RASGRF1: variants seen among roughly 807,000 people sequenced by gnomAD.
RASGRF1 encodes the protein Ras protein specific guanine nucleotide releasing factor 1, also known as ras-specific guanine nucleotide-releasing factor 1.
A neutral mutation model predicts 138.7 loss-of-function variants in RASGRF1; 40 were observed. The observed-to-expected ratio is 0.29, with a 90% CI of 0.22 to 0.38. The LOEUF (loss-of-function observed/expected upper bound fraction) is 0.38. RASGRF1 is among the 10% of genes least tolerant of loss of function. The pLI, the probability that RASGRF1 is intolerant of heterozygous loss-of-function variation, is 1.00. For missense variants in RASGRF1, 1,108 were observed against 1,650.4 expected, an observed-to-expected ratio of 0.67 and a Z score of 5.69; for synonymous variants, 614 against 663.2, an observed-to-expected ratio of 0.93 and a Z score of 1.14.
rs370926073 is a variant in RASGRF1, at chr15:79,032,320, G to T, written c.959-4C>A. 12 of 1,613,622 alleles carry T rather than the reference G, an allele frequency of 7.4e-6. No homozygotes were observed. The highest frequency in any genetic ancestry group is 2.7e-5 in the African/African-American group (2 of 74,892). On this transcript the variant is annotated splice_region_variant and splice_polypyrimidine_tract_variant and intron_variant, in intron 6 of 26. Transcript: ENST00000558480. This position sits in a 1 kb window ranked among gnomAD's most constrained non-coding sequence, Gnocchi z 4.5. ...AGCAGGATGTCAAATAGGTCAGCTG[G>T]AAGGACGAGGCAGTCAGCGGGTGGC...
At chr15:78,995,905 T>TGGCAATGGGGATGACGAGGA in intron 19 of RASGRF1, 105 bp from the exon 20 acceptor site, 1 of 1,071,286 alleles carries the variant, frequency 9.3e-7, no homozygotes, top group Non-Finnish European at 1.4e-6. Context: ...CCCTCTGTCC[T>TGGCAATGGGGATGACGAGGA]CGTCATCCCC....
chr15:78,972,380 C>T (rs1368647711), intron 25 of RASGRF1, among the ~76,000 whole-genome samples: 3 of 151,786 alleles, frequency 2.0e-5, no homozygotes, highest in East Asian at 1.9e-4. Context: ...TAGGTGTGAG[C>T]GACCACACCC....
chr15:78,971,208 G>A (rs1596310501), intron 26 of RASGRF1, among the ~76,000 whole-genome samples: 1 of 152,258 alleles, frequency 6.6e-6, no homozygotes, highest in South Asian at 2.1e-4. Context: ...GCCTGTTTCT[G>A]GATGTACAAA....
intron 1 of RASGRF1, among the ~76,000 whole-genome samples, chr15:79,086,839 AG>A (rs1226080781): frequency 2.0e-5 from 3 of 152,222 alleles, no homozygotes; most frequent in Admixed American, 2.0e-4. Context: ...TCCATGCCAA[AG>A]AAGGGTATGG....
intron 12 of RASGRF1, among the ~76,000 whole-genome samples, 179 bp from the exon 13 acceptor site, chr15:79,015,588 A>G (rs1252145242): frequency 6.6e-6 from 1 of 152,250 alleles, no homozygotes; most frequent in Admixed American, 6.5e-5. Context: ...CTTTGGCCGG[A>G]AGTCAAGTCT....
rs2056733683 is a variant in RASGRF1 at position 79,008,620 on chromosome 15, T to C, written c.1827-2186A>G. Among the ~76,000 whole-genome samples the C allele has an allele frequency of 2.0e-5, 3 of 152,212 alleles. No homozygotes were observed. The South Asian group carries it at 6.2e-4, about 32-fold the overall frequency. ...TGAAGGCTGGGACGGATGCAGCAAA[T>C]GGCAGATCGGACACTCAGAAAATCT... is the stretch of plus-strand genomic sequence containing the variant. On this transcript the variant is annotated intron_variant, in intron 13 of 26. Transcript: ENST00000558480.
At chr15:78,968,952 C>T (rs2055697766) in intron 26 of RASGRF1, among the ~76,000 whole-genome samples, 1 of 152,210 alleles carries the variant, frequency 6.6e-6, no homozygotes, top group African/African-American at 2.4e-5. Context: ...AATTCCCCTA[C>T]TCTTGCTATC....
At chr15:79,026,857 C>T (rs532060704) in intron 9 of RASGRF1, among the ~76,000 whole-genome samples, 6 of 152,328 alleles carry the variant, frequency 3.9e-5, no homozygotes, top group East Asian at 1.9e-4. Context: ...GAGAAACAGG[C>T]AGGGCTGGCT....
chr15:79,079,883 A>T (rs981290326), intron 1 of RASGRF1, among the ~76,000 whole-genome samples: 1 of 152,214 alleles, frequency 6.6e-6, no homozygotes, highest in African/African-American at 2.4e-5. Context: ...ACCCTGTGTT[A>T]TCTGGACACC....
chr15:78,987,446 C>T (rs1052586847), intron 22 of RASGRF1, among the ~76,000 whole-genome samples: 4 of 152,116 alleles, frequency 2.6e-5, no homozygotes, highest in African/African-American at 9.7e-5. Flanking sequence ...CCTGTAATTC[C>T]AGTACTTTGG....
intron 1 of RASGRF1, among the ~76,000 whole-genome samples, chr15:79,084,415 G>T (rs1341649731): frequency 1.3e-5 from 2 of 152,238 alleles, no homozygotes; most frequent in Admixed American, 6.5e-5. Flanking sequence ...AGCGTTGAGT[G>T]CAGGCAGACC....
intron 1 of RASGRF1, among the ~76,000 whole-genome samples, chr15:79,083,922 A>G (rs992794767): frequency 6.6e-6 from 1 of 152,214 alleles, no homozygotes; most frequent in African/African-American, 2.4e-5. Context: ...TTGTCATTCA[A>G]CATTTTTGAT....
chr15:78,990,623 G>A (rs1425963303), intron 21 of RASGRF1, among the ~76,000 whole-genome samples: 2 of 152,232 alleles, frequency 1.3e-5, no homozygotes, highest in African/African-American at 4.8e-5. Context: ...TTCTGACAGG[G>A]AGAATTCACA....
At position 79,003,914 on chromosome 15, in the gene RASGRF1, G is replaced by A. The variant is rs1488002613; in HGVS notation, c.2337C>T (p.Ala779=). The A allele has an allele frequency of 1.9e-6, 3 of 1,614,212 alleles. No homozygotes were observed. Among genetic ancestry groups the A allele is most frequent in the Non-Finnish European group, 2.5e-6 (3 of 1,180,038 alleles). The stretch of plus-strand genomic sequence containing the variant: ...CATAGAGCTTGCTGGTGTCCAGCGT[G>A]GCCTTGCTGAAGGGTGACATGGCCG... The part of the protein sequence containing the change: ...MYSAMSPFSK[A]TLDTSKLYVS... The change falls in exon 15 of 27, where the codon GCC becomes GCT. Residue 779 remains alanine, a synonymous_variant. Transcript: ENST00000558480.
At chr15:79,008,995 A>G (rs1276806409) in intron 13 of RASGRF1, among the ~76,000 whole-genome samples, 1 of 152,194 alleles carries the variant, frequency 6.6e-6, no homozygotes, top group East Asian at 1.9e-4. Context: ...ACGTCTGATA[A>G]GGTTAGTGAT....
chr15:79,018,576 G>A (rs981363560), intron 11 of RASGRF1, among the ~76,000 whole-genome samples: 1 of 152,236 alleles, frequency 6.6e-6, no homozygotes, highest in Non-Finnish European at 1.5e-5. Context: ...TTGCTCCAAA[G>A]CTCTATGGCT....
chr15:79,030,435 C>T (rs146460501), intron 8 of RASGRF1, among the ~76,000 whole-genome samples: 17 of 152,330 alleles, frequency 1.1e-4, no homozygotes, highest in East Asian at 3.9e-4. Context: ...ATTCCCTTGG[C>T]GGTCTCACCA....
In RASGRF1 at chr15:79,050,088, C is replaced by T. The variant is rs77820563; in HGVS notation, c.532-500G>A. 2.1e-3 allele frequency among the ~76,000 whole-genome samples: 323 copies of T among 152,316 alleles called. 4 individuals carry two copies. The highest frequency in any genetic ancestry group is 7.1e-3 in the African/African-American group (296 of 41,562). On this transcript the variant is annotated intron_variant, in intron 3 of 26. Transcript: ENST00000558480. This position sits in a 1 kb window ranked among gnomAD's most constrained non-coding sequence, Gnocchi z 4.1. ...CACATTGTTGTGCAACCATCACCAC[C>T]ATTTACCTCCAGAACTCTTCATTTT...
At chr15:79,089,198 C>T (rs972462326) in intron 1 of RASGRF1, among the ~76,000 whole-genome samples, 7 of 152,156 alleles carry the variant, frequency 4.6e-5, no homozygotes, top group African/African-American at 9.7e-5. Flanking sequence ...CCTCAGTGTC[C>T]CCATCTAGGC....
Sources: gnomAD v4.1 joint callset for allele counts (sites outside exome capture counted in the v4.1 genomes callset) on GRCh38, gnomAD v4.1.1 for gene constraint, Gnocchi (gnomAD v3.1) non-coding constraint, MANE v1.5 for transcripts, NCBI Gene and HGNC (gene_info 2026-07-23, HGNC 2026-07-21) for gene names.